The following GALNTL6 variants were observed in gnomAD, a reference collection of about 807,000 sequenced individuals.
GALNTL6 encodes polypeptide N-acetylgalactosaminyltransferase like 6.
GALNTL6 carries 46 observed loss-of-function variants against 73.7 expected under a neutral mutation model. The observed-to-expected ratio is 0.62, with a 90% CI of 0.49 to 0.80. The LOEUF (loss-of-function observed/expected upper bound fraction) is 0.80, where lower values mean the gene tolerates loss of function less well. Ranked by LOEUF, GALNTL6 falls within the 30% of genes least tolerant of loss-of-function variation. The pLI is 0.00. For synonymous variants in GALNTL6, 259 were observed against 263.7 expected (o/e 0.98, Z 0.17); for missense variants, 604 against 755.0 (o/e 0.80, Z 2.34).
chr4:172,581,224 T>C (rs1221577236), intron 5 of GALNTL6, among the ~76,000 whole-genome samples: 3 of 152,212 alleles, frequency 2.0e-5, no homozygotes, highest in African/African-American at 7.2e-5. Context: ...GCAAATGTAG[T>C]ACAACTATGC....
At chr4:172,061,499 TATC>T in intron 2 of GALNTL6, among the ~76,000 whole-genome samples, 1 of 152,326 alleles carries the variant, frequency 6.6e-6, no homozygotes. Flanking sequence ...GTTTTGGTCA[TATC>T]ATTTCAAAAT....
intron 2 of GALNTL6, among the ~76,000 whole-genome samples, chr4:171,834,234 G>C (rs1041186613): frequency 6.6e-6 from 1 of 151,852 alleles, no homozygotes; most frequent in Non-Finnish European, 1.5e-5. Context: ...GGAATTGATT[G>C]CCACTTCAAA....
At chr4:172,392,222 C>T (rs903979613) in intron 5 of GALNTL6, among the ~76,000 whole-genome samples, 2 of 152,116 alleles carry the variant, frequency 1.3e-5, no homozygotes, top group African/African-American at 2.4e-5. Context: ...CTCCAGAGCT[C>T]AGGTGATCTG....
chr4:171,826,520 A>C (rs144109445), intron 2 of GALNTL6, among the ~76,000 whole-genome samples: 3 of 152,026 alleles, frequency 2.0e-5, no homozygotes, highest in Non-Finnish European at 2.9e-5. Context: ...TTCTCCCCCT[A>C]TTGGAGGGGG....
intron 2 of GALNTL6, among the ~76,000 whole-genome samples, chr4:172,010,655 C>T (rs563076160): frequency 6.6e-6 from 1 of 151,916 alleles, no homozygotes; most frequent in South Asian, 2.1e-4. Flanking sequence ...ATTAACTGCT[C>T]TAGTTATTAA....
intron 2 of GALNTL6, among the ~76,000 whole-genome samples, chr4:171,877,013 T>C (rs917749532): frequency 2.0e-5 from 3 of 152,144 alleles, no homozygotes; most frequent in African/African-American, 7.2e-5. Context: ...GTTTCCTTAA[T>C]CCCAGTGAGC....
chr4:171,905,730 CA>C lies in GALNTL6; in HGVS notation c.138+91013del, dbSNP rs1737255329. ...ACACCACACCTATTCCAAAATTGACCACATACTTGGAAGTAAAGCTCTCCTC... is the reference window on the plus strand; with the variant it reads ...ACACCACACCTATTCCAAAATTGACCCATACTTGGAAGTAAAGCTCTCCTC... On this transcript the variant is annotated intron_variant, in intron 2 of 12. Coordinates refer to ENST00000506823, the MANE Select transcript of GALNTL6 (RefSeq NM_001034845.3). 1.3e-5 allele frequency among the ~76,000 whole-genome samples: 2 copies of C among 150,902 alleles called. 1 individual carries two copies. Among genetic ancestry groups the C allele is most frequent in the African/African-American group, 5.0e-5 (2 of 40,362 alleles).
chr4:172,638,442 C>G (rs752400427), intron 5 of GALNTL6, among the ~76,000 whole-genome samples: 2 of 152,094 alleles, frequency 1.3e-5, no homozygotes, highest in Non-Finnish European at 2.9e-5. Flanking sequence ...CTCATTAGTT[C>G]CATGAAGACC....
intron 5 of GALNTL6, among the ~76,000 whole-genome samples, chr4:172,484,972 T>A (rs958841004): frequency 2.0e-5 from 3 of 152,164 alleles, no homozygotes; most frequent in African/African-American, 7.2e-5. Context: ...TTAAATAGGA[T>A]CTGCATTTTT....
chr4:172,226,230 T>A (rs1736863283), intron 2 of GALNTL6, among the ~76,000 whole-genome samples: 1 of 152,228 alleles, frequency 6.6e-6, no homozygotes, highest in South Asian at 2.1e-4. Flanking sequence ...TGTATATCAC[T>A]GTTCTCTATT....
At chr4:171,872,347 T>C (rs1263852038) in intron 2 of GALNTL6, among the ~76,000 whole-genome samples, 1 of 152,136 alleles carries the variant, frequency 6.6e-6, no homozygotes, top group Non-Finnish European at 1.5e-5. Flanking sequence ...CATATGTTAT[T>C]CTAAATAATG....
chr4:172,536,963 G>C (rs889029420), intron 5 of GALNTL6, among the ~76,000 whole-genome samples: 6 of 152,140 alleles, frequency 3.9e-5, no homozygotes. Context: ...TTGAATTTCA[G>C]ACTTGCATGG....
At chr4:172,755,602 T>G (rs1348670753) in intron 5 of GALNTL6, among the ~76,000 whole-genome samples, 1 of 152,230 alleles carries the variant, frequency 6.6e-6, no homozygotes, top group Non-Finnish European at 1.5e-5. Context: ...GTCTTTCTTA[T>G]TTTTAAAATA....
At chr4:172,699,685 C>T (rs1733912574) in intron 5 of GALNTL6, among the ~76,000 whole-genome samples, 1 of 152,124 alleles carries the variant, frequency 6.6e-6, no homozygotes, top group South Asian at 2.1e-4. Flanking sequence ...TGAGAGAAGG[C>T]ACAGCTACAA....
At chr4:172,344,134 C>A (rs946179049) in intron 4 of GALNTL6, among the ~76,000 whole-genome samples, 7 of 152,202 alleles carry the variant, frequency 4.6e-5, no homozygotes, top group African/African-American at 1.7e-4. Flanking sequence ...AAAAAGCATA[C>A]AAATTGTGTT....
At chr4:172,672,587 T>C (rs1222431356) in intron 5 of GALNTL6, among the ~76,000 whole-genome samples, 2 of 152,224 alleles carry the variant, frequency 1.3e-5, no homozygotes, top group Non-Finnish European at 2.9e-5. Flanking sequence ...TCAGTAGAAA[T>C]GGTATCAGCT....
intron 2 of GALNTL6, among the ~76,000 whole-genome samples, chr4:172,218,058 A>G (rs1736550769): frequency 6.6e-6 from 1 of 152,036 alleles, no homozygotes; most frequent in Non-Finnish European, 1.5e-5. Flanking sequence ...CTATGATGGG[A>G]AGGGATGGGG....
At chr4:172,185,562 A>G (rs575587653) in intron 2 of GALNTL6, among the ~76,000 whole-genome samples, 15 of 152,362 alleles carry the variant, frequency 9.8e-5, no homozygotes, top group Admixed American at 3.3e-4. Context: ...AAAGAGGCAG[A>G]TAAATCATCT....
At chr4:172,620,921 C>T (rs140098321) in intron 5 of GALNTL6, among the ~76,000 whole-genome samples, 31 of 152,290 alleles carry the variant, frequency 2.0e-4, no homozygotes, top group Admixed American at 6.5e-4. Flanking sequence ...GTTTTCATAA[C>T]GCATTCCCTC....
Sources: allele counts gnomAD v4.1 joint callset (sites outside exome capture counted in the v4.1 genomes callset), GRCh38; gene constraint gnomAD v4.1.1; transcripts MANE v1.5; gene names NCBI Gene and HGNC (gene_info 2026-07-23, HGNC 2026-07-21).